The following TVP23A variants were observed in gnomAD, a reference collection of about 807,000 sequenced individuals.
TVP23A encodes the protein Golgi apparatus membrane protein TVP23 homolog A.
In TVP23A, 21 loss-of-function variants were observed where a neutral mutation model predicts 31.7. The observed-to-expected ratio is 0.66, with a 90% CI of 0.47 to 0.95. TVP23A has a LOEUF of 0.95. TVP23A is among the 40% of genes least tolerant of loss of function. The pLI is 0.00. For synonymous variants in TVP23A, 104 were observed against 96.0 expected (o/e 1.08, Z -0.49); for missense variants, 279 against 255.6 (o/e 1.09, Z -0.62).
intron 2 of TVP23A, among the ~76,000 whole-genome samples, chr16:10,811,763 G>A (rs1171224274): frequency 6.6e-6 from 1 of 151,836 alleles, no homozygotes; most frequent in Non-Finnish European, 1.5e-5. Flanking sequence ...AGTTAGCCGG[G>A]CATGGTGGCT....
downstream of TVP23A, chr16:10,761,920 G>C: frequency 7.7e-7 from 1 of 1,300,960 alleles, no homozygotes; most frequent in Non-Finnish European, 1.1e-6. Flanking sequence ...GGCACGGGTC[G>C]GGCACAACAG....
intron 2 of TVP23A, among the ~76,000 whole-genome samples, chr16:10,813,940 A>C (rs1401518181): frequency 1.5e-5 from 2 of 136,454 alleles, no homozygotes; most frequent in Non-Finnish European, 3.1e-5. Context: ...CAGAGGTTGC[A>C]GTGAGCCGAG....
In TVP23A at chr16:10,789,216, A is replaced by G. The variant is rs138846622; in HGVS notation, c.90-14120T>C. On this transcript the variant is annotated intron_variant, in intron 2 of 7. Coordinates refer to ENST00000299866, the MANE Select transcript of TVP23A (RefSeq NM_001079512.4). ...GGCAAATGTTTTTTACCAGCCTTAAAAAGGCACCACTCTTAGTGAATTCTC... is the reference window on the plus strand; with the variant it reads ...GGCAAATGTTTTTTACCAGCCTTAAGAAGGCACCACTCTTAGTGAATTCTC... 8.5e-5 allele frequency among the ~76,000 whole-genome samples: 13 copies of G among 152,302 alleles called. No homozygotes were observed. The East Asian group carries it at 2.5e-3, about 29-fold the overall frequency.
In TVP23A at chr16:10,779,793, A is replaced by G. The variant is rs1433866919; in HGVS notation, c.90-4697T>C. On this transcript the variant is annotated intron_variant, in intron 2 of 7. Transcript: ENST00000299866. The surrounding 1 kb of genome is among the most constrained non-coding windows in gnomAD (Gnocchi z 4.9). The stretch of plus-strand genomic sequence containing the variant: ...GTCATGGATAAGTTTGCATTCATCT[A>G]AAATAAGTGATTGGCCGGGGGCGGT... Among the ~76,000 whole-genome samples the G allele has an allele frequency of 6.6e-6, 1 of 152,220 alleles. No homozygotes were observed. Among genetic ancestry groups the G allele is most frequent in the Non-Finnish European group, 1.5e-5 (1 of 68,050 alleles).
At chr16:10,807,584 G>A (rs1168156648) in intron 2 of TVP23A, among the ~76,000 whole-genome samples, 3 of 152,150 alleles carry the variant, frequency 2.0e-5, no homozygotes, top group African/African-American at 7.2e-5. Flanking sequence ...GGTGGGGGCT[G>A]GGGTGCTGCC....
Position 10,773,565 on chromosome 16 carries a change from G to GTTGTT in TVP23A, c.325-129_325-125dup, listed in dbSNP as rs557690650. 177 of 1,258,424 alleles carry GTTGTT rather than the reference G, an allele frequency of 1.4e-4. 1 individual carries two copies. Among genetic ancestry groups the GTTGTT allele is most frequent in the African/African-American group, 1.2e-3 (77 of 66,468 alleles). The allele number at this position is 1,258,424 out of a possible 1,614,324, so 78.0% of individuals were successfully genotyped here. ...TGCTGTGGGATTTTTTGTTGTTGGT[G>GTTGTT]TTGTTTTGTTTTGTTTTGTTTTTGA... On this transcript the variant is annotated intron_variant, in intron 4 of 7. Coordinates refer to ENST00000299866, the MANE Select transcript of TVP23A (RefSeq NM_001079512.4).
intron 2 of TVP23A, among the ~76,000 whole-genome samples, chr16:10,814,442 T>G (rs1157938235): frequency 6.6e-6 from 1 of 152,106 alleles, no homozygotes; most frequent in Non-Finnish European, 1.5e-5. Context: ...CCAGCCTGAG[T>G]GTCACCCTGA....
At position 10,766,970 on chromosome 16, in the gene TVP23A, T is replaced by TCTCCCACCAACCCCTCCCCAC. The variant is rs2030974669; in HGVS notation, c.*2111_*2131dup. The TCTCCCACCAACCCCTCCCCAC allele has an allele frequency of 2.5e-6, 1 of 398,556 alleles. No homozygotes were observed. The highest frequency in any genetic ancestry group is 2.1e-5 in the African/African-American group (1 of 48,592). The allele number at this position is 398,556 out of a possible 1,614,324, so 24.7% of individuals were successfully genotyped here. A position where few individuals can be genotyped will look rare whatever the true frequency, so the allele number is the denominator to read the frequency against. Reference sequence around the variant, plus strand: ...CTCACTGGGCCATATGGGCTCCCCATCTCCCACCAACCCCTCCCCACAGGC... The same window carrying TCTCCCACCAACCCCTCCCCAC: ...CTCACTGGGCCATATGGGCTCCCCATCTCCCACCAACCCCTCCCCACCTCCCACCAACCCCTCCCCACAGGC... On this transcript the variant is annotated 3_prime_UTR_variant, in exon 8 of 8. Coordinates refer to ENST00000299866, the MANE Select transcript of TVP23A (RefSeq NM_001079512.4). This position sits in a 1 kb window ranked among gnomAD's most constrained non-coding sequence, Gnocchi z 4.8.
chr16:10,771,705 T>G lies in TVP23A; in HGVS notation c.547A>C (p.Thr183Pro). The G allele has an allele frequency of 6.2e-7, 1 of 1,613,700 alleles. No individual in the cohort carries two copies. The highest frequency in any genetic ancestry group is 8.5e-7 in the Non-Finnish European group (1 of 1,179,816). ...MGGNSDIGKV[T>P]ASFLSQTVFQ... ...ACTGTCTGGGACAGGAAACTGGCTG[T>G]GACCTTGCCAATGTCACTGTTGCCT... Residue 183 changes from threonine to proline, a missense_variant, in exon 6 of 8, where the codon ACA (threonine) becomes CCA (proline). By Grantham distance (38) the Thr-to-Pro change is conservative. Transcript: ENST00000299866.
downstream of TVP23A, chr16:10,761,707 G>A: frequency 7.1e-7 from 1 of 1,405,250 alleles, no homozygotes; most frequent in Non-Finnish European, 1.0e-6. Flanking sequence ...GTCCATCCTT[G>A]TGATTCTGCA....
At chr16:10,807,413 A>G (rs1218162231) in intron 2 of TVP23A, among the ~76,000 whole-genome samples, 6 of 152,218 alleles carry the variant, frequency 3.9e-5, no homozygotes, top group Non-Finnish European at 8.8e-5. Flanking sequence ...TCCCTCAAAT[A>G]CAAATTTCAC....
intron 2 of TVP23A, among the ~76,000 whole-genome samples, chr16:10,789,093 G>C (rs1021351695): frequency 6.6e-6 from 1 of 152,182 alleles, no homozygotes; most frequent in Non-Finnish European, 1.5e-5. Context: ...CTCCCAAAGT[G>C]CTGGGATTAC....
At chr16:10,793,222 G>A (rs2033201586) in intron 2 of TVP23A, among the ~76,000 whole-genome samples, 1 of 152,206 alleles carries the variant, frequency 6.6e-6, no homozygotes, top group African/African-American at 2.4e-5. Context: ...GTTATAGTGA[G>A]CCAAGATCGC....
At chr16:10,758,543 G>GT (rs562688843), downstream of TVP23A, among the ~76,000 whole-genome samples, 11 of 151,586 alleles carry the variant, frequency 7.3e-5, no homozygotes, top group East Asian at 5.8e-4. Context: ...CAACGATTTG[G>GT]TTTTTTTTTA....
intron 2 of TVP23A, among the ~76,000 whole-genome samples, chr16:10,806,622 C>T (rs1596567853): frequency 1.3e-5 from 2 of 152,176 alleles, no homozygotes; most frequent in Admixed American, 6.5e-5. Flanking sequence ...TTCCCTCAAC[C>T]GCCTGAATAG....
At chr16:10,812,382 T>C (rs1224202651) in intron 2 of TVP23A, among the ~76,000 whole-genome samples, 1 of 152,210 alleles carries the variant, frequency 6.6e-6, no homozygotes, top group Non-Finnish European at 1.5e-5. Flanking sequence ...AGAACTACCA[T>C]AGGATCCAGC....
At position 10,767,706 on chromosome 16, in the gene TVP23A, G is replaced by A. The variant is rs2031105496; in HGVS notation, c.*1396C>T. 1.8e-6 allele frequency: 1 copy of A among 563,280 alleles called. No homozygotes were observed. The highest frequency in any genetic ancestry group is 1.9e-5 in the African/African-American group (1 of 53,110). The allele number at this position is 563,280 out of a possible 1,614,324, so 34.9% of individuals were successfully genotyped here. On this transcript the variant is annotated 3_prime_UTR_variant, in exon 8 of 8. Coordinates refer to ENST00000299866, the MANE Select transcript of TVP23A (RefSeq NM_001079512.4). This position sits in a 1 kb window ranked among gnomAD's most constrained non-coding sequence, Gnocchi z 4.6. ...AGCTGCTGAATCAGTTCTCTGTAGGGCCCTGGAACCTGCATTTTCTGTACA... is the reference window on the plus strand; with the variant it reads ...AGCTGCTGAATCAGTTCTCTGTAGGACCCTGGAACCTGCATTTTCTGTACA...
downstream of TVP23A, chr16:10,765,090 C>T (rs946577225): frequency 3.9e-5 from 6 of 153,824 alleles, no homozygotes; most frequent in African/African-American, 1.4e-4. The surrounding 1 kb of genome is among the most constrained non-coding windows in gnomAD (Gnocchi z 4.0). Context: ...ATTGCCTCAA[C>T]ACAAACGTGG....
downstream of TVP23A, among the ~76,000 whole-genome samples, chr16:10,762,911 C>T (rs935309806): frequency 6.7e-5 from 10 of 148,842 alleles, no homozygotes; most frequent in African/African-American, 2.4e-4. Context: ...AGAATGGGAG[C>T]CTGTGGGAAA....
Sources: gnomAD v4.1 joint callset for allele counts (sites outside exome capture counted in the v4.1 genomes callset) on GRCh38, gnomAD v4.1.1 for gene constraint, Gnocchi (gnomAD v3.1) non-coding constraint, MANE v1.5 for transcripts, NCBI Gene and HGNC (gene_info 2026-07-23, HGNC 2026-07-21) for gene names.